The following HAVCR1 variants were observed in gnomAD, a reference collection of about 807,000 sequenced individuals.
HAVCR1 encodes the protein T cell immunoglobin domain and mucin domain protein 1.
In HAVCR1, 34 loss-of-function variants were observed where a neutral mutation model predicts 32.0. The ratio of observed to expected loss-of-function variants is 1.06; its 90% confidence interval spans 0.81 to 1.42. The LOEUF (loss-of-function observed/expected upper bound fraction) is 1.42. Among genes scored for constraint, HAVCR1 ranks in the 40% most tolerant of loss-of-function variants. The probability of loss-of-function intolerance (pLI) is 0.00; values close to 1 mark genes in which losing one functional copy is unlikely to be tolerated. For synonymous variants in HAVCR1, 178 were observed against 170.3 expected, an observed-to-expected ratio of 1.05 and a Z score of -0.35; for missense variants, 420 against 442.3, an observed-to-expected ratio of 0.95 and a Z score of 0.45.
At chr5:157,030,473 G>A (rs918936798) in intron 8 of HAVCR1, among the ~76,000 whole-genome samples, 3 of 152,236 alleles carry the variant, frequency 2.0e-5, no homozygotes, top group South Asian at 2.1e-4. Context: ...GCAACATAGC[G>A]AGACCCCGTC....
At chr5:157,042,801 A>G (rs1754990040) in intron 5 of HAVCR1, 119 bp from the exon 6 acceptor site, 2 of 633,482 alleles carry the variant, frequency 3.2e-6, no homozygotes, top group Non-Finnish European at 2.8e-6. Context: ...ATATGACCAA[A>G]TTCTGCAGGC....
chr5:157,056,571 G>C (rs899732915), intron 2 of HAVCR1, among the ~76,000 whole-genome samples: 4 of 151,042 alleles, frequency 2.6e-5, no homozygotes, highest in African/African-American at 9.7e-5. Flanking sequence ...TAGTAGAGAC[G>C]GGGTTTCACC....
upstream of HAVCR1, among the ~76,000 whole-genome samples, chr5:157,059,552 G>A (rs554460879): frequency 6.6e-6 from 1 of 152,306 alleles, no homozygotes; most frequent in African/African-American, 2.4e-5. Flanking sequence ...GCGGGCGCCT[G>A]TAATCCCAGC....
the HAVCR1 span, among the ~76,000 whole-genome samples, chr5:157,064,791 C>T: frequency 8.6e-5 from 13 of 152,022 alleles, no homozygotes; most frequent in Admixed American, 7.9e-4. Flanking sequence ...TTGCTTGAAC[C>T]CAGGAGGCAG....
chr5:157,066,310 C>T, the HAVCR1 span, among the ~76,000 whole-genome samples: 1 of 151,844 alleles, frequency 6.6e-6, no homozygotes, highest in Non-Finnish European at 1.5e-5. Flanking sequence ...GAAGGAAAAT[C>T]AGGAGATAAT....
At position 157,052,370 on chromosome 5, in the gene HAVCR1, G is replaced by T. The variant is rs1755789488; in HGVS notation, c.664C>A (p.His222Asn). The change falls in exon 4 of 9, where the codon CAT becomes AAT. Residue 222 changes from histidine to asparagine, a missense_variant. Coordinates refer to ENST00000523175, the MANE Select transcript of HAVCR1 (RefSeq NM_001173393.3). ...AACACATCTGTTTTACCTGGTTCAT[G>T]GTTCTGCCTGGGCAAAGGCATTGGA... ...VPPMPLPRQNHEPVATSPSSP... is the reference protein window; with the variant it reads ...VPPMPLPRQNNEPVATSPSSP... The T allele has an allele frequency of 1.2e-6, 2 of 1,613,926 alleles. No individual in the cohort carries two copies. The highest frequency in any genetic ancestry group is 2.2e-5 in the South Asian group (2 of 91,084).
chr5:157,049,343 GA>G (rs1399012656), intron 4 of HAVCR1, among the ~76,000 whole-genome samples, 198 bp from the exon 5 acceptor site: 1 of 152,194 alleles, frequency 6.6e-6, no homozygotes, highest in East Asian at 1.9e-4. Context: ...TGTATTCAAA[GA>G]TGGCCTTCAG....
intron 7 of HAVCR1, among the ~76,000 whole-genome samples, chr5:157,035,414 G>A (rs1009903168): frequency 2.0e-5 from 3 of 152,024 alleles, no homozygotes; most frequent in African/African-American, 7.2e-5. Flanking sequence ...AGCTAACTAG[G>A]GTTCTTTTAT....
At chr5:157,068,172 G>A in the HAVCR1 span, among the ~76,000 whole-genome samples, 1 of 152,148 alleles carries the variant, frequency 6.6e-6, no homozygotes, top group Admixed American at 6.5e-5. Flanking sequence ...TACTCAGGAG[G>A]CTGAGGCAGG....
chr5:157,049,186 G>T, intron 4 of HAVCR1, 41 bp from the exon 5 acceptor site: 1 of 1,194,886 alleles, frequency 8.4e-7, no homozygotes, highest in Non-Finnish European at 1.3e-6. Context: ...ATTTGTGGAG[G>T]AAAATGTGCA....
intron 6 of HAVCR1, 32 bp downstream of exon 6, chr5:157,042,595 C>T: frequency 7.3e-7 from 1 of 1,374,520 alleles, no homozygotes; most frequent in Non-Finnish European, 1.0e-6. Flanking sequence ...ACAAGTGAAT[C>T]TGGCTAATCA....
At chr5:157,045,968 G>A (rs968559373) in intron 5 of HAVCR1, among the ~76,000 whole-genome samples, 1 of 152,174 alleles carries the variant, frequency 6.6e-6, no homozygotes, top group East Asian at 1.9e-4. Flanking sequence ...CTCTCAAAGA[G>A]TGGGGTGCAG....
upstream of HAVCR1, among the ~76,000 whole-genome samples, chr5:157,061,669 T>C (rs1334518490): frequency 6.6e-6 from 1 of 150,756 alleles, no homozygotes; most frequent in Non-Finnish European, 1.5e-5. Context: ...ATCATGCCAC[T>C]GCACTCTGGC....
chr5:157,069,014 C>T, the HAVCR1 span, among the ~76,000 whole-genome samples: 2 of 152,160 alleles, frequency 1.3e-5, no homozygotes, highest in African/African-American at 4.8e-5. Context: ...AGAAGCTCAC[C>T]AAAAGTATGT....
chr5:157,044,475 G>GAAA, intron 5 of HAVCR1, among the ~76,000 whole-genome samples: 1 of 51,056 alleles, frequency 2.0e-5, no homozygotes, highest in African/African-American at 8.3e-5. Context: ...AAGAAAGGAA[G>GAAA]GAAGGAAGGA....
intron 4 of HAVCR1, among the ~76,000 whole-genome samples, chr5:157,049,358 T>C (rs1429425283): frequency 6.6e-6 from 1 of 152,248 alleles, no homozygotes; most frequent in Non-Finnish European, 1.5e-5. Flanking sequence ...CCTTCAGGCA[T>C]TGCCCTGCTA....
At chr5:157,053,222 A>G (rs1244580676) in intron 3 of HAVCR1, among the ~76,000 whole-genome samples, 2 of 151,582 alleles carry the variant, frequency 1.3e-5, no homozygotes, top group Non-Finnish European at 2.9e-5. Context: ...GTGAAACCCC[A>G]TCTCTACAAA....
At chr5:157,041,285 A>T (rs1754876631) in intron 6 of HAVCR1, among the ~76,000 whole-genome samples, 1 of 151,628 alleles carries the variant, frequency 6.6e-6, no homozygotes, top group African/African-American at 2.4e-5. Flanking sequence ...ATCACTTGAG[A>T]TCAGAAGTTC....
chr5:157,031,483 C>T (rs970741906), intron 8 of HAVCR1, among the ~76,000 whole-genome samples: 1 of 152,092 alleles, frequency 6.6e-6, no homozygotes, highest in African/African-American at 2.4e-5. Context: ...CCACTACAGG[C>T]AGTGTGGCAG....
Sources: gnomAD v4.1 joint callset for allele counts (sites outside exome capture counted in the v4.1 genomes callset) on GRCh38, gnomAD v4.1.1 for gene constraint, MANE v1.5 for transcripts, NCBI Gene and HGNC (gene_info 2026-07-23, HGNC 2026-07-21) for gene names.